Variants in FMNL2 observed in about 807,000 individuals in gnomAD.
The protein encoded by FMNL2 is formin-like protein 2.
Under a neutral mutation model 130.2 loss-of-function variants are expected in FMNL2, and 51 were observed. The ratio of observed to expected loss-of-function variants is 0.39; its 90% CI spans 0.31 to 0.49. FMNL2 has a LOEUF of 0.49. FMNL2 is among the 20% of genes least tolerant of loss of function. The pLI, the probability that FMNL2 is intolerant of heterozygous loss-of-function variation, is 0.85. For missense variants in FMNL2, 977 were observed against 1,316.2 expected (o/e 0.74, Z 3.99); for synonymous variants, 465 against 467.1 (o/e 1.00, Z 0.06).
chr2:152,585,589 T>C (rs558114016), intron 9 of FMNL2, among the ~76,000 whole-genome samples: 1 of 152,288 alleles, frequency 6.6e-6, no homozygotes, highest in South Asian at 2.1e-4. Context: ...ATTCCTAAAA[T>C]GTGGCTATAC....
intron 1 of FMNL2, among the ~76,000 whole-genome samples, chr2:152,491,856 C>G (rs1176245701): frequency 6.6e-6 from 1 of 152,068 alleles, no homozygotes; most frequent in East Asian, 1.9e-4. Flanking sequence ...GGGGTTGAGG[C>G]AGGAGAATCG....
At chr2:152,361,911 A>C (rs942460888) in intron 1 of FMNL2, among the ~76,000 whole-genome samples, 1 of 152,356 alleles carries the variant, frequency 6.6e-6, no homozygotes, top group Middle Eastern at 3.4e-3. Flanking sequence ...GAATATGACA[A>C]GTTACACTCA....
At chr2:152,371,686 A>AAAAG (rs1553870929) in intron 1 of FMNL2, among the ~76,000 whole-genome samples, 197 of 149,876 alleles carry the variant, frequency 1.3e-3, no homozygotes, top group Middle Eastern at 3.5e-3. Flanking sequence ...AAAAAAAAAA[A>AAAAG]AAAGAAAGAA....
intron 9 of FMNL2, among the ~76,000 whole-genome samples, chr2:152,589,973 A>ATG (rs1203697238): frequency 2.5e-3 from 99 of 39,430 alleles, no homozygotes; most frequent in East Asian, 8.1e-3. Flanking sequence ...ATATATATAT[A>ATG]TATATATATA....
At chr2:152,415,920 C>T (rs1202807497) in intron 1 of FMNL2, among the ~76,000 whole-genome samples, 5 of 152,138 alleles carry the variant, frequency 3.3e-5, no homozygotes, top group East Asian at 3.9e-4. Context: ...CAATGGCAGC[C>T]GTCTTTATCC....
intron 9 of FMNL2, among the ~76,000 whole-genome samples, chr2:152,584,465 G>A (rs901873235): frequency 6.6e-6 from 1 of 152,286 alleles, no homozygotes; most frequent in African/African-American, 2.4e-5. Flanking sequence ...GGAATGAGGG[G>A]TGAAGTAGGG....
chr2:152,449,773 G>A (rs1688532157), intron 1 of FMNL2, among the ~76,000 whole-genome samples: 1 of 152,178 alleles, frequency 6.6e-6, no homozygotes, highest in Non-Finnish European at 1.5e-5. Context: ...GAATTTGCTT[G>A]TAGAAGAAGC....
chr2:152,544,475 T>C (rs2105505459), intron 3 of FMNL2, among the ~76,000 whole-genome samples: 1 of 152,162 alleles, frequency 6.6e-6, no homozygotes, highest in Middle Eastern at 3.4e-3. Flanking sequence ...CCCAGACAGG[T>C]GTTTTTCTGC....
intron 1 of FMNL2, among the ~76,000 whole-genome samples, chr2:152,350,152 G>A (rs941342839): frequency 6.6e-6 from 1 of 152,320 alleles, no homozygotes. Flanking sequence ...GTGAGGAGGA[G>A]CAGGCAGCTA....
At chr2:152,493,822 G>T (rs1691350799) in intron 1 of FMNL2, among the ~76,000 whole-genome samples, 1 of 152,090 alleles carries the variant, frequency 6.6e-6, no homozygotes, top group African/African-American at 2.4e-5. Context: ...TAGAAATTAC[G>T]CAGCCTTGGG....
intron 6 of FMNL2, among the ~76,000 whole-genome samples, chr2:152,568,054 A>G (rs1427464537): frequency 5.9e-5 from 9 of 152,176 alleles, no homozygotes; most frequent in African/African-American, 2.2e-4. Flanking sequence ...GGTATTATGT[A>G]GTCTGGGTAT....
intron 1 of FMNL2, among the ~76,000 whole-genome samples, chr2:152,438,190 TAAG>T (rs1687868116): frequency 6.6e-6 from 1 of 152,212 alleles, no homozygotes; most frequent in African/African-American, 2.4e-5. Flanking sequence ...TTAGAGAATA[TAAG>T]AAGGCCTGTT....
chr2:152,611,057 G>T (rs1278321358), intron 10 of FMNL2, among the ~76,000 whole-genome samples: 1 of 152,144 alleles, frequency 6.6e-6, no homozygotes, highest in South Asian at 2.1e-4. Flanking sequence ...TATTTTTAAA[G>T]AGGCCGGGCG....
intron 1 of FMNL2, among the ~76,000 whole-genome samples, chr2:152,401,584 C>T (rs1685694198): frequency 6.6e-6 from 1 of 152,166 alleles, no homozygotes; most frequent in African/African-American, 2.4e-5. Flanking sequence ...AGTTCATGAC[C>T]ATGTCAGCGG....
chr2:152,560,897 G>C lies in FMNL2; in HGVS notation c.458G>C (p.Ser153Thr). Residue 153 changes from serine (S) to threonine (T), a missense_variant, in exon 6 of 26, where the codon AGT (serine) becomes ACT (threonine). Coordinates refer to ENST00000288670, the MANE Select transcript of FMNL2 (RefSeq NM_052905.4). Reference protein sequence around the residue: ...AQYAVTFDFESVESTVESSVD... With the variant: ...AQYAVTFDFETVESTVESSVD... ...TTTTGTTTTAGTTTTGACTTTGAAA[G>C]TGTGGAGAGTACTGTGGAGAGCTCG... 6.2e-7 allele frequency: 1 copy of C among 1,610,548 alleles called. No individual in the cohort carries two copies. The highest frequency in any genetic ancestry group is 8.5e-7 in the Non-Finnish European group (1 of 1,178,284).
rs1357940030 is a variant in FMNL2, at chr2:152,648,112, TAATC to T, written c.*210_*213del. On this transcript the variant is annotated 3_prime_UTR_variant, in exon 26 of 26. Transcript: ENST00000288670. The stretch of plus-strand genomic sequence containing the variant: ...TAAAAATGGAAGTACCTGTTCAGAT[TAATC>T]AAAGCAATAGGATTTGATTTGATTA... 9 of 522,036 alleles carry T rather than the reference TAATC, an allele frequency of 1.7e-5. No homozygotes were observed. Among genetic ancestry groups the T allele is most frequent in the Non-Finnish European group, 3.0e-5 (9 of 297,406 alleles). 32.3% of individuals were successfully genotyped at this position (522,036 alleles called of 1,614,324 possible). A position where few individuals can be genotyped will look rare whatever the true frequency, so the allele number is the denominator to read the frequency against.
chr2:152,402,752 T>C (rs1579580405), intron 1 of FMNL2, among the ~76,000 whole-genome samples: 1 of 152,222 alleles, frequency 6.6e-6, no homozygotes, highest in East Asian at 1.9e-4. Flanking sequence ...TTCCCACATA[T>C]CCTGTATCTA....
chr2:152,517,282 T>C (rs549254052), intron 1 of FMNL2, among the ~76,000 whole-genome samples: 1 of 152,304 alleles, frequency 6.6e-6, no homozygotes, highest in East Asian at 1.9e-4. Context: ...ATAGCTATAA[T>C]ATAAATCCTA....
At chr2:152,349,086 C>T (rs1579446941) in intron 1 of FMNL2, among the ~76,000 whole-genome samples, 1 of 125,656 alleles carries the variant, frequency 8.0e-6, no homozygotes, top group South Asian at 2.5e-4. Flanking sequence ...CCACCCGCCT[C>T]GGCCTCCCAA....
Sources: allele counts gnomAD v4.1 joint callset (sites outside exome capture counted in the v4.1 genomes callset), GRCh38; gene constraint gnomAD v4.1.1; transcripts MANE v1.5; gene names NCBI Gene and HGNC (gene_info 2026-07-23, HGNC 2026-07-21).